Variants in ANK3 observed in about 807,000 individuals in gnomAD.
ANK3 encodes the protein ankyrin 3, also known as ankyrin-3.
ANK3 carries 57 observed loss-of-function variants against 370.9 expected under a neutral mutation model. The ratio of observed to expected loss-of-function variants is 0.15; its 90% CI spans 0.12 to 0.19. ANK3 has a LOEUF of 0.19. Ranked by LOEUF, ANK3 falls within the 10% of genes least tolerant of loss-of-function variation. The pLI is 1.00. For synonymous variants in ANK3, 1,929 were observed against 1,946.3 expected, an observed-to-expected ratio of 0.99 and a Z score of 0.23; for missense variants, 4,439 against 5,302.1, an observed-to-expected ratio of 0.84 and a Z score of 5.06.
At chr10:60,572,887 TGAGAGAGAGAGAAA>T (rs1051438064) in intron 2 of ANK3, 58 of 1,029,334 alleles carry the variant, frequency 5.6e-5, no homozygotes, top group East Asian at 8.8e-5. Flanking sequence ...CTGGAAATGG[TGAGAGAGAGAGAAA>T]GAGAGAGAGA....
chr10:60,050,590 T>TTCAAAAGTCTGCGCATTGAAA (rs1297286472), intron 42 of ANK3: 2 of 152,232 alleles, frequency 1.3e-5, no homozygotes, highest in African/African-American at 2.4e-5. Flanking sequence ...TTGGATCATA[T>TTCAAAAGTCTGCGCATTGAAA]TCAAAAGTCT....
chr10:60,405,155 C>T (rs1165518117), intron 2 of ANK3, among the ~76,000 whole-genome samples: 1 of 152,038 alleles, frequency 6.6e-6, no homozygotes, highest in Non-Finnish European at 1.5e-5. Context: ...TACCCTATAA[C>T]CTAGCAATTC....
At chr10:60,092,699 C>T (rs917832830) in intron 28 of ANK3, among the ~76,000 whole-genome samples, 2 of 152,130 alleles carry the variant, frequency 1.3e-5, no homozygotes, top group Non-Finnish European at 2.9e-5. Context: ...CACTGAAATC[C>T]TAGTGTAGGA....
chr10:60,072,423 C>A lies in ANK3; in HGVS notation c.8458G>T (p.Ala2820Ser). The part of the protein sequence containing the change: ...KKQRTEMSSK[A>S]MPDSFSEQQA... ...TGCTCAGAAAAAGAGTCAGGCATTG[C>A]TTTACTTGACATTTCAGTTCTCTGT... The change falls in exon 37 of 44, where the codon GCA (alanine) becomes TCA (serine). Residue 2820 changes from alanine (A) to serine (S), a missense_variant. By Grantham distance (99) the Ala-to-Ser change is moderately conservative. Transcript: ENST00000280772. 6.2e-7 allele frequency: 1 copy of A among 1,614,026 alleles called. No individual in the cohort carries two copies. Among genetic ancestry groups the A allele is most frequent in the Non-Finnish European group, 8.5e-7 (1 of 1,179,992 alleles).
At chr10:60,540,805 A>T (rs1342603237) in intron 2 of ANK3, among the ~76,000 whole-genome samples, 2 of 152,078 alleles carry the variant, frequency 1.3e-5, no homozygotes, top group East Asian at 3.9e-4. Flanking sequence ...TCCTAAAATA[A>T]TTCTACCTTT....
chr10:60,348,450 A>G (rs764973004), intron 1 of ANK3, among the ~76,000 whole-genome samples: 12 of 152,114 alleles, frequency 7.9e-5, no homozygotes, highest in Non-Finnish European at 1.6e-4. Context: ...ACAGCAGTAG[A>G]TAGTGACTAA....
At chr10:60,503,216 C>T (rs1260608318) in intron 2 of ANK3, among the ~76,000 whole-genome samples, 1 of 152,076 alleles carries the variant, frequency 6.6e-6, no homozygotes. Context: ...AAATAACGGT[C>T]ATTAGCCAAA....
Position 60,278,777 on chromosome 10 carries a change from A to C in ANK3, c.411T>G (p.Ser137=), listed in dbSNP as rs1020288583. ...VTNGANVNAQ[S]QNGFTPLYMA... is the part of the protein sequence containing the mutation. ...TGGCATGGAGTTGTAGGCTTACCTG[A>C]GATTGTGCATTGACATTGGCTCCAT... Residue 137 remains serine, a synonymous_variant, in exon 4 of 44, where the codon TCT becomes TCG. Coordinates refer to ENST00000280772, the MANE Select transcript of ANK3 (RefSeq NM_020987.5). 1 of 1,613,012 alleles carries C rather than the reference A, an allele frequency of 6.2e-7. No homozygotes were observed. The highest frequency in any genetic ancestry group is 8.5e-7 in the Non-Finnish European group (1 of 1,179,076).
At chr10:60,215,884 G>A (rs1161719289) in intron 8 of ANK3, among the ~76,000 whole-genome samples, 2 of 152,138 alleles carry the variant, frequency 1.3e-5, no homozygotes, top group African/African-American at 4.8e-5. Context: ...ATTCTGTGAA[G>A]AATGTCAATG....
At chr10:60,397,527 C>G (rs552952488) in intron 2 of ANK3, among the ~76,000 whole-genome samples, 1 of 152,220 alleles carries the variant, frequency 6.6e-6, no homozygotes, top group South Asian at 2.1e-4. Context: ...AACATTAACA[C>G]GCAAACACAG....
chr10:60,142,332 G>A (rs550911735), intron 23 of ANK3, among the ~76,000 whole-genome samples: 3 of 152,058 alleles, frequency 2.0e-5, no homozygotes, highest in East Asian at 1.9e-4. Flanking sequence ...AGAAGCCGTC[G>A]CACCCTCTAC....
chr10:60,185,508 C>T (rs1208236818), intron 17 of ANK3, among the ~76,000 whole-genome samples: 1 of 152,180 alleles, frequency 6.6e-6, no homozygotes, highest in Non-Finnish European at 1.5e-5. Flanking sequence ...AGGATTCAAA[C>T]TCTCTGTGAT....
intron 2 of ANK3, among the ~76,000 whole-genome samples, chr10:60,498,699 A>AT (rs1420698131): frequency 2.0e-5 from 3 of 152,150 alleles, no homozygotes; most frequent in African/African-American, 7.2e-5. Context: ...ATGATAATAT[A>AT]TTTTTAATGC....
intron 28 of ANK3, among the ~76,000 whole-genome samples, chr10:60,104,230 C>T (rs2091793552): frequency 6.6e-6 from 1 of 151,396 alleles, no homozygotes; most frequent in African/African-American, 2.4e-5. Flanking sequence ...GAGTTTGGCA[C>T]TCAATCTCTC....
At chr10:60,503,515 T>A (rs2075858722) in intron 2 of ANK3, among the ~76,000 whole-genome samples, 1 of 152,282 alleles carries the variant, frequency 6.6e-6, no homozygotes, top group South Asian at 2.1e-4. Context: ...TAAGGTCACA[T>A]GAGCAAGAGG....
intron 2 of ANK3, among the ~76,000 whole-genome samples, chr10:60,569,356 A>C (rs1405019307): frequency 2.6e-5 from 4 of 152,230 alleles, no homozygotes; most frequent in Non-Finnish European, 5.9e-5. Context: ...TGCCTCAGGT[A>C]CATGATCCCC....
rs760954756 is a variant in ANK3 at position 60,213,399 on chromosome 10, G to C, written c.996+13C>G. On this transcript the variant is annotated intron_variant, in intron 9 of 43. Transcript: ENST00000280772. Reference sequence around the variant, plus strand: ...AATACAGTCCAATGTCCAGAAACCTGAAAAGAAATTACCTTGGTTTTTGAA... The same window carrying C: ...AATACAGTCCAATGTCCAGAAACCTCAAAAGAAATTACCTTGGTTTTTGAA... The C allele has an allele frequency of 3.1e-6, 5 of 1,597,784 alleles. No homozygotes were observed. The highest frequency in any genetic ancestry group is 4.3e-6 in the Non-Finnish European group (5 of 1,166,506).
chr10:60,312,276 G>T (rs2046512326), intron 1 of ANK3, among the ~76,000 whole-genome samples: 1 of 152,080 alleles, frequency 6.6e-6, no homozygotes, highest in Non-Finnish European at 1.5e-5. Flanking sequence ...GCTGGGCTGG[G>T]TGCCTGAATG....
rs768749795 is a variant in ANK3, at chr10:60,071,571, G to T, written c.9310C>A (p.Gln3104Lys). 3.7e-6 allele frequency: 6 copies of T among 1,613,736 alleles called. No individual in the cohort carries two copies. The Admixed American group carries it at 1.0e-4, about 27-fold the overall frequency. ...CCTTGTTGTATCTCCTTTTCATATT[G>T]CTTCCCCACTTGTACAAAACTGACA... ...VYVSFVQVGK[Q>K]YEKEIQQGGV... Residue 3104 changes from glutamine (Q) to lysine (K), a missense_variant, in exon 37 of 44, where the codon CAA becomes AAA. By Grantham distance (53) the Gln-to-Lys change is moderately conservative. This residue lies in a region of ANK3 where 1,601 missense variants were observed against 1,731.7 expected (regional missense o/e 0.92). Coordinates refer to ENST00000280772, the MANE Select transcript of ANK3 (RefSeq NM_020987.5).
Sources: allele counts gnomAD v4.1 joint callset (sites outside exome capture counted in the v4.1 genomes callset), GRCh38; gene constraint gnomAD v4.1.1; regional missense constraint gnomAD v4.1.1; transcripts MANE v1.5; gene names NCBI Gene and HGNC (gene_info 2026-07-23, HGNC 2026-07-21).